Variants in BMP5 observed in about 807,000 individuals in gnomAD.
The protein encoded by BMP5 is bone morphogenetic protein 5.
A neutral mutation model predicts 46.6 loss-of-function variants in BMP5; 23 were observed. The ratio of observed to expected loss-of-function variants is 0.49; its 90% CI spans 0.35 to 0.70. The LOEUF (loss-of-function observed/expected upper bound fraction) is 0.70, where lower values mean the gene tolerates loss of function less well. BMP5 is among the 30% of genes least tolerant of loss of function. The pLI, the probability that BMP5 is intolerant of heterozygous loss-of-function variation, is 0.00. For missense variants in BMP5, 545 were observed against 565.6 expected, an observed-to-expected ratio of 0.96 and a Z score of 0.37; for synonymous variants, 204 against 191.9, an observed-to-expected ratio of 1.06 and a Z score of -0.52.
chr6:55,829,999 C>T (rs1403594424), intron 1 of BMP5, among the ~76,000 whole-genome samples: 1 of 151,910 alleles, frequency 6.6e-6, no homozygotes, highest in African/African-American at 2.4e-5. Context: ...GTTTCTTTTA[C>T]ATTTGGTTGT....
chr6:55,814,872 G>T (rs1012055302), intron 2 of BMP5, among the ~76,000 whole-genome samples: 1 of 152,212 alleles, frequency 6.6e-6, no homozygotes, highest in East Asian at 1.9e-4. Flanking sequence ...GCTCACGCCT[G>T]TAATCCCAAC....
At chr6:55,796,700 C>A (rs1582071870) in intron 2 of BMP5, among the ~76,000 whole-genome samples, 1 of 141,404 alleles carries the variant, frequency 7.1e-6, no homozygotes, top group East Asian at 2.2e-4. Context: ...CCTTCCTGTG[C>A]CCATATGTTC....
intron 2 of BMP5, among the ~76,000 whole-genome samples, chr6:55,810,344 GA>G (rs1241328683): frequency 3.9e-5 from 6 of 152,120 alleles, no homozygotes; most frequent in Non-Finnish European, 7.4e-5. Context: ...TGGCAGAAAT[GA>G]AAAAAAGTTG....
intron 2 of BMP5, among the ~76,000 whole-genome samples, chr6:55,817,062 A>C (rs919167472): frequency 3.3e-5 from 5 of 152,176 alleles, no homozygotes; most frequent in Non-Finnish European, 7.3e-5. Context: ...ACCATCTCAC[A>C]CCAGTTAGAA....
chr6:55,761,135 C>CT (rs571115676), intron 4 of BMP5, among the ~76,000 whole-genome samples: 6 of 151,312 alleles, frequency 4.0e-5, no homozygotes, highest in South Asian at 2.1e-4. Context: ...CAAAATAGTT[C>CT]TTTTTTTTTC....
At chr6:55,864,146 G>A (rs1432391742) in intron 1 of BMP5, among the ~76,000 whole-genome samples, 2 of 152,024 alleles carry the variant, frequency 1.3e-5, no homozygotes, top group Non-Finnish European at 2.9e-5. Flanking sequence ...CTTAAATGGT[G>A]GTTCGAATAT....
At chr6:55,809,110 A>G (rs1437737261) in intron 2 of BMP5, among the ~76,000 whole-genome samples, 1 of 152,226 alleles carries the variant, frequency 6.6e-6, no homozygotes, top group Non-Finnish European at 1.5e-5. Flanking sequence ...TCTTCTTTAA[A>G]TGAAGATTAA....
intron 2 of BMP5, among the ~76,000 whole-genome samples, chr6:55,818,502 T>C (rs1776329952): frequency 6.6e-6 from 1 of 152,108 alleles, no homozygotes; most frequent in South Asian, 2.1e-4. Flanking sequence ...TGTCCCAAAT[T>C]AGATTGTATT....
intron 3 of BMP5, among the ~76,000 whole-genome samples, chr6:55,783,368 G>GT (rs1351282691): frequency 6.6e-6 from 1 of 151,878 alleles, no homozygotes; most frequent in Non-Finnish European, 1.5e-5. Context: ...AGATGCCTTT[G>GT]TTTTTTGTTT....
chr6:55,762,800 C>T (rs1310134418), intron 4 of BMP5, among the ~76,000 whole-genome samples: 1 of 152,080 alleles, frequency 6.6e-6, no homozygotes, highest in Non-Finnish European at 1.5e-5. Context: ...GTTTTTTAAA[C>T]TTCTTTAAAC....
At chr6:55,758,836 G>A (rs1215414700) in intron 6 of BMP5, among the ~76,000 whole-genome samples, 169 bp downstream of exon 6, 1 of 151,684 alleles carries the variant, frequency 6.6e-6, no homozygotes, top group Non-Finnish European at 1.5e-5. Flanking sequence ...AAACCAGCCC[G>A]AGTTTCCTGA....
chr6:55,810,755 A>G (rs1174002002), intron 2 of BMP5, among the ~76,000 whole-genome samples: 5 of 152,142 alleles, frequency 3.3e-5, no homozygotes, highest in African/African-American at 1.2e-4. Context: ...AGATTTCTCA[A>G]CCTTGGTACC....
chr6:55,803,084 G>A (rs1169704945), intron 2 of BMP5, among the ~76,000 whole-genome samples: 4 of 141,022 alleles, frequency 2.8e-5, no homozygotes, highest in Middle Eastern at 4.0e-3. Context: ...TCAGGAGTTC[G>A]AGACCAGCCT....
chr6:55,792,390 C>T (rs1235601222), intron 3 of BMP5, among the ~76,000 whole-genome samples: 2 of 151,968 alleles, frequency 1.3e-5, no homozygotes, highest in African/African-American at 4.8e-5. Context: ...AAAAATTAGC[C>T]GGGCATGGTG....
intron 1 of BMP5, among the ~76,000 whole-genome samples, chr6:55,872,901 C>T (rs1433719272): frequency 6.6e-6 from 1 of 151,760 alleles, no homozygotes; most frequent in African/African-American, 2.4e-5. Flanking sequence ...TTGCATATCC[C>T]TTATACTAGG....
At chr6:55,760,691 A>C (rs538856342) in intron 4 of BMP5, among the ~76,000 whole-genome samples, 158 bp from the exon 5 acceptor site, 3 of 152,132 alleles carry the variant, frequency 2.0e-5, no homozygotes, top group African/African-American at 7.2e-5. Context: ...TAACCATGTG[A>C]ACTTCAGTCA....
chr6:55,846,688 G>C (rs1257688289), intron 1 of BMP5, among the ~76,000 whole-genome samples: 1 of 151,596 alleles, frequency 6.6e-6, no homozygotes, highest in Non-Finnish European at 1.5e-5. Context: ...CTTTCATTTT[G>C]ATGTATTTCT....
At chr6:55,834,054 C>T (rs973878042) in intron 1 of BMP5, among the ~76,000 whole-genome samples, 7 of 152,028 alleles carry the variant, frequency 4.6e-5, no homozygotes, top group South Asian at 2.1e-4. Flanking sequence ...TTTGGGCACA[C>T]GATTGGGGAA....
intron 1 of BMP5, among the ~76,000 whole-genome samples, chr6:55,866,920 CTAAA>C (rs1777653202): frequency 6.6e-6 from 1 of 152,104 alleles, no homozygotes; most frequent in South Asian, 2.1e-4. Flanking sequence ...TATAAATTAA[CTAAA>C]TAATACAAAG....
Sources: gnomAD v4.1 joint callset for allele counts (sites outside exome capture counted in the v4.1 genomes callset) on GRCh38, gnomAD v4.1.1 for gene constraint, MANE v1.5 for transcripts, NCBI Gene and HGNC (gene_info 2026-07-23, HGNC 2026-07-21) for gene names.